Variants in ATF7IP2 observed in about 807,000 individuals in gnomAD.
ATF7IP2 encodes the protein activating transcription factor 7-interacting protein 2.
ATF7IP2 carries 42 observed loss-of-function variants against 64.2 expected under a neutral mutation model. The ratio of observed to expected loss-of-function variants is 0.65; its 90% confidence interval spans 0.51 to 0.85. ATF7IP2 has a LOEUF of 0.85. Among genes scored for constraint, ATF7IP2 ranks in the 40% least tolerant of loss-of-function variants. ATF7IP2 has a pLI of 0.00. For synonymous variants in ATF7IP2, 308 were observed against 272.8 expected, an observed-to-expected ratio of 1.13 and a Z score of -1.27; for missense variants, 933 against 784.2, an observed-to-expected ratio of 1.19 and a Z score of -2.27.
In ATF7IP2 at chr16:10,481,986, TG is replaced by T; in HGVS notation, c.1788del (p.Trp596Ter). 6.2e-7 allele frequency: 1 copy of T among 1,614,086 alleles called. No homozygotes were observed. Among genetic ancestry groups the T allele is most frequent in the Non-Finnish European group, 8.5e-7 (1 of 1,180,010 alleles). ...CAGACCCAATGGCATTGCCCTGACTTGGAATATAACCAAAATCAATCCCAAG... is the reference window on the plus strand; with the variant it reads ...CAGACCCAATGGCATTGCCCTGACTTGAATATAACCAAAATCAATCCCAAG... ...VFRPNGIALT[W>X]NITKINPKCA... On this transcript the variant is annotated frameshift_variant, in exon 14 of 14. Transcript: ENST00000562102. LOFTEE classifies it high-confidence loss of function.
intron 1 of ATF7IP2, among the ~76,000 whole-genome samples, chr16:10,390,812 A>G (rs886356339): frequency 7.9e-5 from 12 of 152,184 alleles, no homozygotes; most frequent in African/African-American, 2.9e-4. Flanking sequence ...AGAGACTGAA[A>G]AAATATCTGA....
intron 1 of ATF7IP2, among the ~76,000 whole-genome samples, chr16:10,408,860 C>T (rs1161164427): frequency 6.6e-6 from 1 of 152,182 alleles, no homozygotes. Flanking sequence ...CCTGCCTATT[C>T]ATCTTTGTTT....
intron 3 of ATF7IP2, among the ~76,000 whole-genome samples, chr16:10,421,570 A>G (rs922210295): frequency 1.3e-5 from 2 of 152,306 alleles, no homozygotes; most frequent in East Asian, 1.9e-4. Flanking sequence ...CAATGGTAGT[A>G]TCATTTACTA....
At chr16:10,461,292 A>C (rs1596581424) in intron 9 of ATF7IP2, among the ~76,000 whole-genome samples, 1 of 152,154 alleles carries the variant, frequency 6.6e-6, no homozygotes, top group Non-Finnish European at 1.5e-5. Flanking sequence ...CATTATCTGG[A>C]AATATCAAAG....
At chr16:10,399,555 A>T (rs767519541) in intron 1 of ATF7IP2, among the ~76,000 whole-genome samples, 10 of 152,172 alleles carry the variant, frequency 6.6e-5, no homozygotes, top group African/African-American at 9.7e-5. Context: ...GTCTATTTCT[A>T]TACATTACTA....
chr16:10,457,562 C>G, intron 9 of ATF7IP2, 33 bp downstream of exon 9: 1 of 1,452,240 alleles, frequency 6.9e-7, no homozygotes, highest in East Asian at 2.4e-5. Flanking sequence ...ATAAATTTAT[C>G]TAAATCTATA....
intron 9 of ATF7IP2, among the ~76,000 whole-genome samples, chr16:10,469,716 C>T (rs1210249924): frequency 3.3e-5 from 5 of 151,986 alleles, no homozygotes; most frequent in African/African-American, 9.7e-5. Context: ...GCAGAGGTTG[C>T]GGTGAGCCGA....
rs1269809611 is a variant in ATF7IP2 at position 10,423,065 on chromosome 16, G to A, written c.-160+3442G>A. Reference sequence around the variant, plus strand: ...CAAGACCATCCTGGCTAACATGGTGGAACTTCGTCTCTACTAAAAATACAA... The same window carrying A: ...CAAGACCATCCTGGCTAACATGGTGAAACTTCGTCTCTACTAAAAATACAA... On this transcript the variant is annotated intron_variant, in intron 3 of 13. Coordinates refer to ENST00000562102, the MANE Select transcript of ATF7IP2 (RefSeq NM_001393719.1). Among the ~76,000 whole-genome samples the A allele has an allele frequency of 2.6e-5, 4 of 152,094 alleles. No individual in the cohort carries two copies. The South Asian group carries it at 8.3e-4, about 32-fold the overall frequency.
chr16:10,420,244 A>T (rs1300721290), intron 3 of ATF7IP2, among the ~76,000 whole-genome samples: 3 of 152,224 alleles, frequency 2.0e-5, no homozygotes, highest in African/African-American at 7.2e-5. Context: ...ACTGCAAAAG[A>T]TGATGTTTAA....
intron 12 of ATF7IP2, among the ~76,000 whole-genome samples, chr16:10,476,243 A>G (rs61445772): frequency 0.028 from 4,297 of 152,318 alleles, 188 homozygotes; most frequent in African/African-American, 0.095. Context: ...TAAAAATACC[A>G]GTAAATAAGG....
At chr16:10,440,625 G>C (rs901169048) in intron 8 of ATF7IP2, among the ~76,000 whole-genome samples, 163 bp downstream of exon 8, 2 of 152,170 alleles carry the variant, frequency 1.3e-5, no homozygotes, top group Non-Finnish European at 1.5e-5. Context: ...GACACCCTTA[G>C]GTAGTACATG....
chr16:10,428,156 G>C (rs1478236654), intron 3 of ATF7IP2, among the ~76,000 whole-genome samples: 6 of 152,212 alleles, frequency 3.9e-5, no homozygotes, highest in Non-Finnish European at 8.8e-5. Flanking sequence ...GGATGGAGAA[G>C]AGGTGCAAGG....
At chr16:10,455,267 C>G (rs960027726) in intron 8 of ATF7IP2, among the ~76,000 whole-genome samples, 1 of 151,934 alleles carries the variant, frequency 6.6e-6, no homozygotes, top group African/African-American at 2.4e-5. Flanking sequence ...TCATTTTAAT[C>G]AAAAGGGTTC....
At chr16:10,411,120 T>C (rs1395712885) in intron 1 of ATF7IP2, among the ~76,000 whole-genome samples, 1 of 152,204 alleles carries the variant, frequency 6.6e-6, no homozygotes, top group Non-Finnish European at 1.5e-5. Flanking sequence ...TTAGCTAGTA[T>C]TTTGTTAAGG....
At chr16:10,439,319 T>TCC (rs1402493126) in intron 7 of ATF7IP2, among the ~76,000 whole-genome samples, 10 of 151,630 alleles carry the variant, frequency 6.6e-5, no homozygotes, top group South Asian at 6.3e-4. Context: ...AAGCTCTGCC[T>TCC]CAGGGTTCAC....
chr16:10,394,278 A>G (rs1481452936), intron 1 of ATF7IP2, among the ~76,000 whole-genome samples: 1 of 152,232 alleles, frequency 6.6e-6, no homozygotes, highest in Non-Finnish European at 1.5e-5. Flanking sequence ...CTGAAACAGT[A>G]TTGCTGGAGA....
chr16:10,453,295 C>T (rs1366205348), intron 8 of ATF7IP2, among the ~76,000 whole-genome samples: 2 of 152,056 alleles, frequency 1.3e-5, no homozygotes, highest in Non-Finnish European at 2.9e-5. Flanking sequence ...TGGAGTGTAC[C>T]GTTCCTCACG....
intron 9 of ATF7IP2, among the ~76,000 whole-genome samples, chr16:10,458,102 A>G (rs749985848): frequency 6.6e-6 from 1 of 152,272 alleles, no homozygotes; most frequent in Non-Finnish European, 1.5e-5. Context: ...CCTTTCCCAC[A>G]GATAACTATG....
chr16:10,436,268 A>C lies in ATF7IP2; in HGVS notation c.961-1833A>C, dbSNP rs531297876. Among the ~76,000 whole-genome samples the C allele has an allele frequency of 8.5e-5, 13 of 152,338 alleles. No individual in the cohort carries two copies. In the South Asian group the frequency reaches 2.7e-3, roughly 32 times the overall value. ...GCTCAGCTACTAGGAAGGCTGAGGC[A>C]GGAAAATCACTTAAACATGGTGGGT... On this transcript the variant is annotated intron_variant, in intron 6 of 13. Coordinates refer to ENST00000562102, the MANE Select transcript of ATF7IP2 (RefSeq NM_001393719.1).
Sources: gnomAD v4.1 joint callset for allele counts (sites outside exome capture counted in the v4.1 genomes callset) on GRCh38, gnomAD v4.1.1 for gene constraint, MANE v1.5 for transcripts, NCBI Gene and HGNC (gene_info 2026-07-23, HGNC 2026-07-21) for gene names.